The following SCART1 variants were observed in gnomAD, a reference collection of about 807,000 sequenced individuals.
The protein encoded by SCART1 is scavenger receptor family member expressed on T cells 1, also known as scavenger receptor cysteine-rich domain-containing protein SCART1.
In SCART1, 62 loss-of-function variants were observed where a neutral mutation model predicts 36.2. The observed-to-expected ratio is 1.71, with a 90% confidence interval of 1.40 to 2.12. The LOEUF is 2.12. SCART1 is among the 30% of genes most tolerant of loss of function. SCART1 has a pLI of 0.00. For synonymous variants in SCART1, 487 were observed against 238.7 expected, an observed-to-expected ratio of 2.04 and a Z score of -9.59; for missense variants, 1,041 against 540.5, an observed-to-expected ratio of 1.93 and a Z score of -9.18.
At chr10:133,455,041 C>A (rs2013643) in intron 1 of SCART1, among the ~76,000 whole-genome samples, 88,290 of 151,734 alleles carry the variant, frequency 0.58, 26,948 homozygotes, top group Non-Finnish European at 0.69. Context: ...CTGAGGCAGG[C>A]AGTTTACCTG....
chr10:133,459,428 G>T (rs1304814618), intron 5 of SCART1, 59 bp from the exon 6 acceptor site: 2 of 616,784 alleles, frequency 3.2e-6, no homozygotes, highest in East Asian at 2.8e-5. Flanking sequence ...GCCCTGCTGG[G>T]GGGTGGTCCT....
At chr10:133,454,552 G>A (rs1199085016) in intron 1 of SCART1, among the ~76,000 whole-genome samples, 5 of 152,186 alleles carry the variant, frequency 3.3e-5, no homozygotes, top group African/African-American at 1.2e-4. Context: ...TGGGTCAGGG[G>A]CAGGGAGGTG....
At chr10:133,463,160 T>C (rs1026191377) in intron 6 of SCART1, among the ~76,000 whole-genome samples, 7 of 152,076 alleles carry the variant, frequency 4.6e-5, no homozygotes, top group African/African-American at 1.7e-4. Context: ...TTGAACATAT[T>C]TGGGCACTGA....
rs555920707 is a variant in SCART1 at position 133,457,640 on chromosome 10, G to A, written c.682+65G>A. 264 of 607,282 alleles carry A rather than the reference G, an allele frequency of 4.3e-4. No individual in the cohort carries two copies. In the African/African-American group the frequency reaches 4.4e-3, roughly 10 times the overall value. The allele number at this position is 607,282 out of a possible 1,614,324, so 37.6% of individuals were successfully genotyped here. A position where few individuals can be genotyped will look rare whatever the true frequency, so the allele number is the denominator to read the frequency against. Reference sequence around the variant, plus strand: ...GATGCTGGGCCCGGACCTGGGGAGGGCAGGGAGAAGGGGGGTGGGCGTTCC... The same window carrying A: ...GATGCTGGGCCCGGACCTGGGGAGGACAGGGAGAAGGGGGGTGGGCGTTCC... On this transcript the variant is annotated intron_variant, in intron 3 of 11. Transcript: ENST00000640237.
chr10:133,469,055 T>G (rs764244305), exon 12 of SCART1: 4 of 152,178 alleles, frequency 2.6e-5, no homozygotes, highest in Non-Finnish European at 2.9e-5. Flanking sequence ...TTTCCTGACT[T>G]TTTAATAATC....
At chr10:133,467,071 TC>T (rs1468534699) in intron 10 of SCART1, 126 bp from the exon 11 acceptor site, 3 of 572,178 alleles carry the variant, frequency 5.2e-6, no homozygotes, top group Non-Finnish European at 9.4e-6. Context: ...GGTCCCTCCA[TC>T]CCAGCCCACA....
At chr10:133,460,488 A>ATAT (rs1368181806) in intron 6 of SCART1, among the ~76,000 whole-genome samples, 1 of 142,084 alleles carries the variant, frequency 7.0e-6, no homozygotes, top group East Asian at 2.0e-4. Flanking sequence ...ATATATATAT[A>ATAT]TTTATATATT....
At chr10:133,467,172 G>C in intron 10 of SCART1, 26 bp from the exon 11 acceptor site, 1 of 677,228 alleles carries the variant, frequency 1.5e-6, no homozygotes, top group Non-Finnish European at 2.7e-6. Context: ...GAGGGCCTGT[G>C]TGTGACCATG....
chr10:133,466,471 CG>C, intron 10 of SCART1, 90 bp downstream of exon 10: 1 of 647,456 alleles, frequency 1.5e-6, no homozygotes, highest in Admixed American at 2.4e-5. Flanking sequence ...TCTGGGCAGG[CG>C]GGGTGCCCCA....
intron 9 of SCART1, chr10:133,465,794 T>C (rs989015897): frequency 2.9e-6 from 2 of 695,078 alleles, no homozygotes; most frequent in African/African-American, 1.8e-5. Flanking sequence ...TTTTGTTTAT[T>C]CCAATCCTTG....
At chr10:133,455,536 C>T (rs1850597594) in intron 1 of SCART1, among the ~76,000 whole-genome samples, 1 of 152,062 alleles carries the variant, frequency 6.6e-6, no homozygotes, top group Non-Finnish European at 1.5e-5. Context: ...CACACAGCAC[C>T]ACCCACATGG....
At chr10:133,460,520 T>C (rs890141786) in intron 6 of SCART1, among the ~76,000 whole-genome samples, 1 of 112,000 alleles carries the variant, frequency 8.9e-6, no homozygotes, top group Admixed American at 1.0e-4. Context: ...TTTATATTTA[T>C]TTAAATATTT....
At chr10:133,453,982 A>G (rs1376089214) in exon 1 of SCART1, 1 of 702,984 alleles carries the variant, frequency 1.4e-6, no homozygotes, top group Non-Finnish European at 2.6e-6. Context: ...GCTGAAGCCC[A>G]GAGGGCTGTG....
At chr10:133,457,845 C>T in intron 3 of SCART1, 2 of 547,998 alleles carry the variant, frequency 3.6e-6, no homozygotes, top group East Asian at 3.2e-5. Context: ...TCTGAGCTGC[C>T]TCAGCTGTGA....
At chr10:133,456,362 G>A (rs377505334) in exon 2 of SCART1, 14 of 702,950 alleles carry the variant, frequency 2.0e-5, no homozygotes, top group East Asian at 1.1e-4. Context: ...GGCCTCTGTC[G>A]TGTGCAGGCA....
At position 133,464,306 on chromosome 10, in the gene SCART1, CTGGG is replaced by C. The variant is rs1850737117; in HGVS notation, c.1970-299_1970-296del. 2.9e-4 allele frequency: 11 copies of C among 38,530 alleles called. 2 individuals are homozygous for C. In the South Asian group the frequency reaches 4.4e-3, roughly 15 times the overall value. The allele number at this position is 38,530 out of a possible 1,614,324, so 2.4% of individuals were successfully genotyped here. On this transcript the variant is annotated intron_variant, in intron 6 of 11. Coordinates refer to ENST00000640237, the Ensembl canonical transcript of SCART1. ...AGTGAACCTGGGTGCTGCAGTGAAC[CTGGG>C]CGTGCAGTGAACCTGGGCGTGCAGT... is the stretch of plus-strand genomic sequence containing the variant.
exon 9 of SCART1, chr10:133,465,323 C>T (rs1381262123): frequency 1.0e-5 from 7 of 687,644 alleles, no homozygotes; most frequent in South Asian, 9.2e-5. Flanking sequence ...CACGCGGGCT[C>T]CTGGGGCACC....
In SCART1 at chr10:133,458,874, G is replaced by C. The variant is rs906827840; in HGVS notation, c.980-147G>C. ...TTCTGGAGAGCTGTGTGAGCTGGAT[G>C]CTGATGCAGAGGAGGGTGGGGGAGC... On this transcript the variant is annotated intron_variant, in intron 4 of 11. Coordinates refer to ENST00000640237, the Ensembl canonical transcript of SCART1. 6 of 632,556 alleles carry C rather than the reference G, an allele frequency of 9.5e-6. No homozygotes were observed. In the African/African-American group the frequency reaches 1.1e-4, roughly 12 times the overall value. The allele number at this position is 632,556 out of a possible 1,614,324, so 39.2% of individuals were successfully genotyped here.
chr10:133,465,792 A>G, intron 9 of SCART1: 1 of 693,414 alleles, frequency 1.4e-6, no homozygotes. Flanking sequence ...CCTTTTGTTT[A>G]TTCCAATCCT....
Sources: allele counts gnomAD v4.1 joint callset (sites outside exome capture counted in the v4.1 genomes callset), GRCh38; gene constraint gnomAD v4.1.1; transcripts MANE v1.5; gene names NCBI Gene and HGNC (gene_info 2026-07-23, HGNC 2026-07-21).